The following PLCL1 variants were observed in gnomAD, a reference collection of about 807,000 sequenced individuals.
PLCL1 encodes the protein phospholipase C like 1 (inactive), also known as inactive phospholipase C-like protein 1.
In PLCL1, 41 loss-of-function variants were observed where a neutral mutation model predicts 84.4. The observed-to-expected ratio is 0.49, with a 90% CI of 0.38 to 0.63. The LOEUF (loss-of-function observed/expected upper bound fraction) is 0.63. Ranked by LOEUF, PLCL1 falls within the 30% of genes least tolerant of loss-of-function variation. The pLI is 0.00. For synonymous variants in PLCL1, 490 were observed against 488.3 expected, an observed-to-expected ratio of 1.00 and a Z score of -0.05; for missense variants, 1,206 against 1,367.8, an observed-to-expected ratio of 0.88 and a Z score of 1.87.
chr2:198,101,391 T>A (rs748019843), intron 4 of PLCL1, 31 bp downstream of exon 4: 2 of 1,218,450 alleles, frequency 1.6e-6, no homozygotes, highest in African/African-American at 1.5e-5. Flanking sequence ...TTTCTGTTTT[T>A]TTTTTCTATT....
intron 1 of PLCL1, among the ~76,000 whole-genome samples, chr2:197,977,705 G>A (rs1421982247): frequency 6.6e-6 from 1 of 152,002 alleles, no homozygotes; most frequent in Non-Finnish European, 1.5e-5. Flanking sequence ...GCACTTTTTT[G>A]TTCACTCTGC....
chr2:197,954,842 T>C (rs1339286885), intron 1 of PLCL1, among the ~76,000 whole-genome samples: 4 of 152,046 alleles, frequency 2.6e-5, no homozygotes, highest in Non-Finnish European at 4.4e-5. Flanking sequence ...AGTGATAATT[T>C]TGATTTATTT....
chr2:198,026,530 G>C (rs1691269211), intron 1 of PLCL1, among the ~76,000 whole-genome samples: 1 of 152,146 alleles, frequency 6.6e-6, no homozygotes, highest in South Asian at 2.1e-4. Flanking sequence ...ATTGAAGACA[G>C]ATTTCTAGAT....
At chr2:198,049,655 T>C (rs1212488612) in intron 1 of PLCL1, among the ~76,000 whole-genome samples, 1 of 152,178 alleles carries the variant, frequency 6.6e-6, no homozygotes, top group East Asian at 1.9e-4. Flanking sequence ...CAGGTGCCTA[T>C]AGGTCTAGAA....
intron 5 of PLCL1, among the ~76,000 whole-genome samples, chr2:198,124,154 T>G (rs1693934581): frequency 6.6e-6 from 1 of 152,122 alleles, no homozygotes; most frequent in Non-Finnish European, 1.5e-5. Context: ...TGCATTTTTA[T>G]GTAAAGTGGG....
At chr2:197,900,678 T>C (rs1399045509) in intron 1 of PLCL1, among the ~76,000 whole-genome samples, 1 of 152,210 alleles carries the variant, frequency 6.6e-6, no homozygotes, top group South Asian at 2.1e-4. Context: ...TCTTAGTCTT[T>C]TGTGCTCTTA....
chr2:198,003,879 T>C (rs538753913), intron 1 of PLCL1, among the ~76,000 whole-genome samples: 1 of 152,304 alleles, frequency 6.6e-6, no homozygotes, highest in Admixed American at 6.5e-5. Flanking sequence ...TCAAGACCTC[T>C]TTCCACCACA....
chr2:197,860,535 A>T (rs1687410248), intron 1 of PLCL1, among the ~76,000 whole-genome samples: 1 of 151,926 alleles, frequency 6.6e-6, no homozygotes, highest in South Asian at 2.1e-4. Flanking sequence ...CTTCACCAGG[A>T]TCTGTTATTT....
chr2:197,954,623 G>A (rs182468108), intron 1 of PLCL1, among the ~76,000 whole-genome samples: 43 of 152,134 alleles, frequency 2.8e-4, no homozygotes, highest in Middle Eastern at 3.4e-3. Context: ...TTTTGGAGGC[G>A]CTTCTTTGCT....
intron 1 of PLCL1, among the ~76,000 whole-genome samples, chr2:198,036,533 G>A (rs1202015685): frequency 6.6e-6 from 1 of 152,168 alleles, no homozygotes; most frequent in Admixed American, 6.5e-5. Context: ...TCTATTGGGG[G>A]CAAATGAGAC....
At chr2:197,846,108 G>C (rs1195498850) in intron 1 of PLCL1, among the ~76,000 whole-genome samples, 3 of 152,136 alleles carry the variant, frequency 2.0e-5, no homozygotes, top group African/African-American at 7.2e-5. Context: ...TGAAAGTACT[G>C]TTCGGAACTA....
At chr2:198,094,267 T>C (rs982389161) in intron 3 of PLCL1, among the ~76,000 whole-genome samples, 1 of 152,172 alleles carries the variant, frequency 6.6e-6, no homozygotes, top group African/African-American at 2.4e-5. Flanking sequence ...TTCACCATGT[T>C]AGCCAGGATG....
chr2:197,812,128 C>T (rs1238821054), intron 1 of PLCL1, among the ~76,000 whole-genome samples: 2 of 152,208 alleles, frequency 1.3e-5, no homozygotes, highest in Non-Finnish European at 2.9e-5. Flanking sequence ...ATCCATGTTG[C>T]TGCAAAGCAC....
chr2:197,984,554 A>G (rs543440504), intron 1 of PLCL1, among the ~76,000 whole-genome samples: 2 of 152,314 alleles, frequency 1.3e-5, no homozygotes, highest in Admixed American at 6.5e-5. Flanking sequence ...TCTGTTAAAT[A>G]TTTGGATTTT....
chr2:198,102,479 T>G (rs1693370960), intron 4 of PLCL1, among the ~76,000 whole-genome samples: 1 of 152,002 alleles, frequency 6.6e-6, no homozygotes, highest in South Asian at 2.1e-4. Context: ...TAGGCTGCAT[T>G]AATAAAAATA....
Position 198,045,984 on chromosome 2 carries a change from T to C in PLCL1, c.241-37774T>C, listed in dbSNP as rs531639061. Among the ~76,000 whole-genome samples the C allele has an allele frequency of 2.0e-5, 3 of 152,288 alleles. No homozygotes were observed. The East Asian group carries it at 5.8e-4, about 29-fold the overall frequency. On this transcript the variant is annotated intron_variant, in intron 1 of 5. Coordinates refer to ENST00000428675, the MANE Select transcript of PLCL1 (RefSeq NM_006226.4). ...GAGCAATCAAAAACTGCTTGTTGAG[T>C]TTGAATAAAAAGGGTGACTGGTGGG...
chr2:198,020,317 G>A (rs1691101199), intron 1 of PLCL1, among the ~76,000 whole-genome samples: 1 of 152,146 alleles, frequency 6.6e-6, no homozygotes, highest in Admixed American at 6.6e-5. Flanking sequence ...ACAGTATGAA[G>A]AAACTACATC....
intron 1 of PLCL1, among the ~76,000 whole-genome samples, chr2:197,980,487 C>G (rs542273066): frequency 6.6e-6 from 1 of 152,268 alleles, no homozygotes; most frequent in South Asian, 2.1e-4. Flanking sequence ...ATTAATTCAC[C>G]TCGTATCCTC....
intron 1 of PLCL1, among the ~76,000 whole-genome samples, chr2:197,884,279 T>C (rs890418497): frequency 6.6e-6 from 1 of 152,214 alleles, no homozygotes; most frequent in Non-Finnish European, 1.5e-5. Flanking sequence ...AAAGTGGATG[T>C]TGGAGCTCCA....
Sources: allele counts gnomAD v4.1 joint callset (sites outside exome capture counted in the v4.1 genomes callset), GRCh38; gene constraint gnomAD v4.1.1; transcripts MANE v1.5; gene names NCBI Gene and HGNC (gene_info 2026-07-23, HGNC 2026-07-21).